The following ANK3 variants were observed in gnomAD, a reference collection of about 807,000 sequenced individuals.
The protein encoded by ANK3 is ankyrin 3, also known as ankyrin-3.
Under a neutral mutation model 370.9 loss-of-function variants are expected in ANK3, and 57 were observed. That is an observed-to-expected ratio of 0.15 (90% CI 0.12 to 0.19). The LOEUF is 0.19. Among genes scored for constraint, ANK3 ranks in the 10% least tolerant of loss-of-function variants. The probability of loss-of-function intolerance (pLI) is 1.00; values close to 1 mark genes in which losing one functional copy is unlikely to be tolerated. For synonymous variants in ANK3, 1,929 were observed against 1,946.3 expected, an observed-to-expected ratio of 0.99 and a Z score of 0.23; for missense variants, 4,439 against 5,302.1, an observed-to-expected ratio of 0.84 and a Z score of 5.06.
intron 23 of ANK3, among the ~76,000 whole-genome samples, chr10:60,162,034 AATT>A (rs548531188): frequency 2.6e-5 from 4 of 152,280 alleles, no homozygotes; most frequent in South Asian, 2.1e-4. Flanking sequence ...AAATATGTAC[AATT>A]ATTATGTATC....
In ANK3 at chr10:60,075,679, T is replaced by C. The variant is rs2131984783; in HGVS notation, c.5202A>G (p.Gly1734=). 1 of 1,614,120 alleles carries C rather than the reference T, an allele frequency of 6.2e-7. No individual in the cohort carries two copies. The highest frequency in any genetic ancestry group is 2.2e-5 in the East Asian group (1 of 44,880). Residue 1734 remains glycine, a synonymous_variant, in exon 37 of 44, where the codon GGA becomes GGG. Coordinates refer to ENST00000280772, the MANE Select transcript of ANK3 (RefSeq NM_020987.5). ...CCTGTAACGTGGCAGTGGCTTTGCA[T>C]CCATTAATTAAAGTTGAGGATGATG... ...KYPSSSTLIN[G]CKATATLQEK... is the part of the protein sequence containing the mutation.
At chr10:60,490,019 T>C (rs11813688) in intron 2 of ANK3, among the ~76,000 whole-genome samples, 19,779 of 152,114 alleles carry the variant, frequency 0.13, 1,497 homozygotes, top group African/African-American at 0.21. Flanking sequence ...ATTCCCTGCC[T>C]AGTGCACACT....
intron 1 of ANK3, among the ~76,000 whole-genome samples, chr10:60,320,787 A>G (rs2048463466): frequency 1.3e-5 from 2 of 152,166 alleles, no homozygotes; most frequent in South Asian, 4.1e-4. Context: ...ACACCAGTAT[A>G]AAATACCACC....
At chr10:60,044,076 C>T in intron 42 of ANK3, 1 of 985,734 alleles carries the variant, frequency 1.0e-6, no homozygotes, top group Non-Finnish European at 1.2e-6. Flanking sequence ...TCCATTACCA[C>T]ATCATCACGT....
chr10:60,382,797 CTATATATATA>C lies in ANK3; in HGVS notation c.114+6618_114+6627del, dbSNP rs5785442. Reference sequence around the variant, plus strand: ...TTCGATATTTAACCTATACCTAAATCTATATATATATATATATATATATATATATGCCAAT... The same window carrying C: ...TTCGATATTTAACCTATACCTAAATCTATATATATATATATATATGCCAAT... On this transcript the variant is annotated intron_variant, in intron 1 of 43. Transcript: ENST00000280772. Among the ~76,000 whole-genome samples the C allele has an allele frequency of 1.7e-3, 231 of 133,746 alleles. 1 individual carries two copies. Among genetic ancestry groups the C allele is most frequent in the African/African-American group, 5.5e-3 (199 of 36,450 alleles). 87.7% of individuals were successfully genotyped at this position (133,746 alleles called of 152,430 possible). A position where few individuals can be genotyped will look rare whatever the true frequency, so the allele number is the denominator to read the frequency against.
chr10:60,719,021 T>C (rs953012317), intron 1 of ANK3, among the ~76,000 whole-genome samples: 1 of 152,152 alleles, frequency 6.6e-6, no homozygotes, highest in African/African-American at 2.4e-5. Context: ...CCCCTCAAAA[T>C]TCCATTCCCC....
At chr10:60,464,618 T>A (rs1045052874) in intron 2 of ANK3, among the ~76,000 whole-genome samples, 2 of 152,208 alleles carry the variant, frequency 1.3e-5, no homozygotes, top group Admixed American at 6.6e-5. Context: ...ATTCTTTTCT[T>A]TAGCATACGA....
chr10:60,422,962 C>T (rs1001732490), intron 2 of ANK3, among the ~76,000 whole-genome samples: 1 of 152,018 alleles, frequency 6.6e-6, no homozygotes, highest in Non-Finnish European at 1.5e-5. Flanking sequence ...GCACTATTGA[C>T]ATTTGGTGAA....
At chr10:60,257,113 T>A (rs72820481) in intron 7 of ANK3, among the ~76,000 whole-genome samples, 2,940 of 152,332 alleles carry the variant, frequency 0.019, 37 homozygotes, top group South Asian at 0.035. Flanking sequence ...AGAAGTCTAA[T>A]CCTTTTATTT....
intron 2 of ANK3, among the ~76,000 whole-genome samples, chr10:60,599,487 A>G (rs1030766935): frequency 6.6e-6 from 1 of 152,204 alleles, no homozygotes; most frequent in African/African-American, 2.4e-5. Context: ...TTTATATAAC[A>G]TCATCACCTT....
chr10:60,678,925 G>C (rs2133388663), intron 1 of ANK3, among the ~76,000 whole-genome samples: 2 of 152,252 alleles, frequency 1.3e-5, no homozygotes, highest in Middle Eastern at 6.8e-3. Context: ...GGTTTTAAAG[G>C]GTTGAATGGC....
intron 2 of ANK3, among the ~76,000 whole-genome samples, chr10:60,562,778 A>G (rs1393505603): frequency 6.6e-6 from 1 of 152,232 alleles, no homozygotes; most frequent in South Asian, 2.1e-4. Flanking sequence ...AAAAAAATGC[A>G]TTAAAAACTT....
In ANK3 at chr10:60,298,764, A is replaced by T. The variant is rs116828074; in HGVS notation, c.115-19125T>A. On this transcript the variant is annotated intron_variant, in intron 1 of 43. Coordinates refer to ENST00000280772, the MANE Select transcript of ANK3 (RefSeq NM_020987.5). ...TTTAGGCTTTCCTTTTGGATCTCAG[A>T]TTTTTTAAGTTATTAATTAATAAAA... is the stretch of plus-strand genomic sequence containing the variant. Among the ~76,000 whole-genome samples, 745 of 152,228 alleles carry T rather than the reference A, an allele frequency of 4.9e-3. 7 individuals are homozygous for T. The highest frequency in any genetic ancestry group is 0.017 in the African/African-American group (714 of 41,550).
In ANK3 at chr10:60,410,286, TA is replaced by T. The variant is rs112946975; in HGVS notation, c.97-130648del. On this transcript the variant is annotated intron_variant, in intron 2 of 43. Transcript: ENST00000373827. ...TCTTTATATAAAAAACTTAAAAAGT[TA>T]AAAAAAAAAAGACATTACTCATAGT... 2.2e-3 allele frequency among the ~76,000 whole-genome samples: 317 copies of T among 145,436 alleles called. 2 individuals carry two copies. Among genetic ancestry groups the T allele is most frequent in the African/African-American group, 4.9e-3 (197 of 39,934 alleles).
At chr10:60,601,591 A>G (rs930387610) in intron 2 of ANK3, among the ~76,000 whole-genome samples, 5 of 152,124 alleles carry the variant, frequency 3.3e-5, no homozygotes, top group African/African-American at 9.7e-5. Context: ...AAACTGAGAA[A>G]CTAGCAGACA....
In ANK3 at chr10:60,166,604, T is replaced by G. The variant is rs142525565; in HGVS notation, c.2601A>C (p.Ser867=). The G allele has an allele frequency of 1.9e-4, 304 of 1,613,240 alleles. No homozygotes were observed. Among genetic ancestry groups the G allele is most frequent in the Admixed American group, 2.8e-4 (17 of 59,966 alleles). The stretch of plus-strand genomic sequence containing the variant: ...ATTTACAAATACCTTCTTCAACATC[T>G]GAGATATATTCGCCATCACTGAGCA... ...PEMLSDGEYI[S]DVEEGEDAMT... The change falls in exon 23 of 44, where the codon TCA becomes TCC. Residue 867 remains serine (S), a synonymous_variant. Coordinates refer to ENST00000280772, the MANE Select transcript of ANK3 (RefSeq NM_020987.5).
At position 60,504,491 on chromosome 10, in the gene ANK3, C is replaced by A. The variant is rs576329645; in HGVS notation, c.96+110695G>T. 2.3e-3 allele frequency among the ~76,000 whole-genome samples: 353 copies of A among 152,152 alleles called. 2 individuals are homozygous for A. Among genetic ancestry groups the A allele is most frequent in the African/African-American group, 7.3e-3 (305 of 41,526 alleles). ...GGTAGGAAAAGGCTTTTTTCCCCCC[C>A]AGAATGTAATTACTTTTGAATATTG... On this transcript the variant is annotated intron_variant, in intron 2 of 43. Transcript: ENST00000373827.
At chr10:60,685,955 T>C (rs766687233) in intron 1 of ANK3, among the ~76,000 whole-genome samples, 1 of 152,176 alleles carries the variant, frequency 6.6e-6, no homozygotes, top group African/African-American at 2.4e-5. Context: ...ACCCTAGGTA[T>C]AAACAGAAAA....
chr10:60,395,883 TG>T (rs1324763337), intron 2 of ANK3, among the ~76,000 whole-genome samples: 3 of 152,128 alleles, frequency 2.0e-5, no homozygotes, highest in Non-Finnish European at 4.4e-5. Context: ...GAAGCAGGGA[TG>T]GGGTAACGTA....
Sources: gnomAD v4.1 joint callset for allele counts (sites outside exome capture counted in the v4.1 genomes callset) on GRCh38, gnomAD v4.1.1 for gene constraint, MANE v1.5 for transcripts, NCBI Gene and HGNC (gene_info 2026-07-23, HGNC 2026-07-21) for gene names.